The following NAV3 variants were observed in gnomAD, a reference collection of about 807,000 sequenced individuals.
NAV3 encodes the protein pore membrane and/or filament interacting like protein 1.
Under a neutral mutation model 244.7 loss-of-function variants are expected in NAV3, and 87 were observed. That is an observed-to-expected ratio of 0.36 (90% CI 0.30 to 0.42). NAV3 has a LOEUF of 0.42. Ranked by LOEUF, NAV3 falls within the 20% of genes least tolerant of loss-of-function variation. The pLI, the probability that NAV3 is intolerant of heterozygous loss-of-function variation, is 1.00. For missense variants in NAV3, 2,663 were observed against 2,893.3 expected (o/e 0.92, Z 1.83); for synonymous variants, 1,126 against 1,042.2 (o/e 1.08, Z -1.55).
chr12:78,101,697 C>G (rs1289002299), intron 12 of NAV3, among the ~76,000 whole-genome samples: 1 of 152,108 alleles, frequency 6.6e-6, no homozygotes, highest in African/African-American at 2.4e-5. Flanking sequence ...AGAATTTACA[C>G]TTCAGCGGTT....
At chr12:77,914,291 A>G (rs1335790247) in intron 1 of NAV3, among the ~76,000 whole-genome samples, 2 of 152,036 alleles carry the variant, frequency 1.3e-5, no homozygotes, top group African/African-American at 4.8e-5. Flanking sequence ...TCATTTATTC[A>G]CACGTCAGGC....
chr12:77,992,799 A>T (rs924369184), intron 5 of NAV3, among the ~76,000 whole-genome samples: 1 of 152,204 alleles, frequency 6.6e-6, no homozygotes, highest in East Asian at 1.9e-4. Context: ...GACAAAAATG[A>T]TGGTGAACTA....
chr12:77,593,637 T>C (rs555537996), intron 2 of NAV3, among the ~76,000 whole-genome samples: 1 of 147,784 alleles, frequency 6.8e-6, no homozygotes, highest in African/African-American at 2.5e-5. Context: ...GCTACTTTTT[T>C]TTTTTTTTTT....
chr12:78,002,655 A>G (rs1290525301), intron 7 of NAV3, among the ~76,000 whole-genome samples: 1 of 152,098 alleles, frequency 6.6e-6, no homozygotes, highest in Non-Finnish European at 1.5e-5. Context: ...TTTCTTTTCA[A>G]GCCAGTGCAA....
At chr12:78,118,394 C>A in intron 14 of NAV3, 97 bp downstream of exon 14, 1 of 1,427,754 alleles carries the variant, frequency 7.0e-7, no homozygotes, top group Non-Finnish European at 9.4e-7. Context: ...TCTAAAATAC[C>A]AAATTCTTAT....
At chr12:77,817,372 A>G (rs779792939) in intron 2 of NAV3, among the ~76,000 whole-genome samples, 18 of 152,172 alleles carry the variant, frequency 1.2e-4, no homozygotes, top group Non-Finnish European at 2.4e-4. Flanking sequence ...TTTGCCAGAG[A>G]TGCTTTGTTT....
At chr12:77,778,466 G>A (rs1378932969) in intron 2 of NAV3, among the ~76,000 whole-genome samples, 2 of 151,594 alleles carry the variant, frequency 1.3e-5, no homozygotes, top group Non-Finnish European at 2.9e-5. Flanking sequence ...CAAAAAATTA[G>A]CCAGGCATGG....
At chr12:77,631,096 T>C (rs1336966400) in intron 2 of NAV3, among the ~76,000 whole-genome samples, 1 of 152,236 alleles carries the variant, frequency 6.6e-6, no homozygotes, top group Non-Finnish European at 1.5e-5. Flanking sequence ...CAGTTACAGA[T>C]GTAAGCATGT....
At chr12:77,985,442 G>T (rs913210022) in intron 5 of NAV3, among the ~76,000 whole-genome samples, 58 of 152,068 alleles carry the variant, frequency 3.8e-4, no homozygotes, top group African/African-American at 1.2e-3. Context: ...GTATCCAAAA[G>T]TATTTATATA....
intron 5 of NAV3, among the ~76,000 whole-genome samples, chr12:77,990,137 C>T (rs1871200697): frequency 1.3e-5 from 1 of 77,722 alleles, no homozygotes; most frequent in Non-Finnish European, 2.4e-5. Context: ...CTCTGTTGCA[C>T]AGAAAGCCAA....
intron 2 of NAV3, among the ~76,000 whole-genome samples, chr12:77,650,383 G>T (rs1370311919): frequency 6.6e-6 from 1 of 152,144 alleles, no homozygotes; most frequent in Non-Finnish European, 1.5e-5. Context: ...TTGGTAAATA[G>T]TTGGAGAGAC....
At chr12:77,821,175 T>A (rs911344881) in intron 2 of NAV3, among the ~76,000 whole-genome samples, 1 of 151,866 alleles carries the variant, frequency 6.6e-6, no homozygotes, top group African/African-American at 2.4e-5. Flanking sequence ...AAAGACAAAT[T>A]TTTGAAGCTA....
intron 1 of NAV3, among the ~76,000 whole-genome samples, chr12:77,889,742 T>C (rs576365050): frequency 6.6e-6 from 1 of 152,310 alleles, no homozygotes; most frequent in East Asian, 1.9e-4. Flanking sequence ...CTTTAGGTTT[T>C]TCTCAATATC....
chr12:77,652,960 A>AT (rs747407231), intron 2 of NAV3, among the ~76,000 whole-genome samples: 1 of 152,178 alleles, frequency 6.6e-6, no homozygotes, highest in South Asian at 2.1e-4. Flanking sequence ...AGCTTTTAGT[A>AT]TTTTTCAAAG....
intron 2 of NAV3, among the ~76,000 whole-genome samples, chr12:77,610,338 T>G (rs1038570794): frequency 6.6e-6 from 1 of 152,094 alleles, no homozygotes; most frequent in Non-Finnish European, 1.5e-5. Context: ...AAGTACACCT[T>G]TTACTTAATC....
At chr12:77,601,440 G>A (rs527375568) in intron 2 of NAV3, among the ~76,000 whole-genome samples, 48 of 152,074 alleles carry the variant, frequency 3.2e-4, no homozygotes, top group African/African-American at 8.7e-4. Flanking sequence ...CTGGCAGGAC[G>A]CTTTCTTACA....
chr12:77,905,336 T>C (rs2136975260), intron 1 of NAV3, among the ~76,000 whole-genome samples: 1 of 152,240 alleles, frequency 6.6e-6, no homozygotes, highest in Middle Eastern at 3.4e-3. Context: ...CAGTGATTCA[T>C]TTTGTTTGAA....
At chr12:77,862,983 A>G (rs559417465) in intron 1 of NAV3, among the ~76,000 whole-genome samples, 15 of 151,952 alleles carry the variant, frequency 9.9e-5, no homozygotes, top group African/African-American at 3.4e-4. Flanking sequence ...ACTATTAAAC[A>G]CTGCTAGTTA....
In NAV3 at chr12:78,084,060, C is replaced by T. The variant is rs185329248; in HGVS notation, c.2636+24945C>T. 9.8e-4 allele frequency among the ~76,000 whole-genome samples: 150 copies of T among 152,356 alleles called. 1 individual carries two copies. The highest frequency in any genetic ancestry group is 2.9e-3 in the African/African-American group (120 of 41,584). On this transcript the variant is annotated intron_variant, in intron 12 of 39. Coordinates refer to ENST00000397909, the MANE Select transcript of NAV3 (RefSeq NM_001024383.2). ...GATAAAACTATAAATATCATGCAGA[C>T]TGATTTCATAGTATGTTCATGACTA...
Sources: allele counts gnomAD v4.1 joint callset (sites outside exome capture counted in the v4.1 genomes callset), GRCh38; gene constraint gnomAD v4.1.1; transcripts MANE v1.5; gene names NCBI Gene and HGNC (gene_info 2026-07-23, HGNC 2026-07-21).